The following FMN1 variants were observed in gnomAD, a reference collection of about 807,000 sequenced individuals.
FMN1 encodes the protein formin 1.
FMN1 carries 110 observed loss-of-function variants against 132.4 expected under a neutral mutation model. The ratio of observed to expected loss-of-function variants is 0.83; its 90% CI spans 0.71 to 0.97. FMN1 has a LOEUF of 0.97. Ranked by LOEUF, FMN1 falls within the 50% of genes least tolerant of loss-of-function variation. FMN1 has a pLI of 0.00. For synonymous variants in FMN1, 722 were observed against 651.7 expected (o/e 1.11, Z -1.64); for missense variants, 1,792 against 1,705.3 (o/e 1.05, Z -0.90).
At chr15:33,175,997 A>G (rs1315337216) in intron 3 of FMN1, among the ~76,000 whole-genome samples, 1 of 152,242 alleles carries the variant, frequency 6.6e-6, no homozygotes, top group Non-Finnish European at 1.5e-5. Context: ...GACGTGAGAC[A>G]TGTGAATTTT....
intron 17 of FMN1, among the ~76,000 whole-genome samples, chr15:32,843,414 G>A (rs535927907): frequency 6.6e-6 from 1 of 152,298 alleles, no homozygotes; most frequent in Non-Finnish European, 1.5e-5. Context: ...GCCAGAGGAA[G>A]CTTAAGTTAA....
chr15:33,169,740 C>CT (rs57083437), intron 3 of FMN1, among the ~76,000 whole-genome samples: 11,390 of 117,912 alleles, frequency 0.097, 858 homozygotes, highest in African/African-American at 0.21. Flanking sequence ...TTTTCTTTTC[C>CT]TTTTTTTTTT....
intron 13 of FMN1, 68 bp from the exon 14 acceptor site, chr15:32,900,193 A>G (rs762344400): frequency 3.2e-6 from 5 of 1,546,526 alleles, no homozygotes; most frequent in Admixed American, 1.7e-5. Context: ...TCAGTAACAA[A>G]TATCGACTGT....
intron 6 of FMN1, chr15:33,063,068 A>G (rs1325186174): frequency 1.3e-5 from 2 of 152,350 alleles, no homozygotes; most frequent in Non-Finnish European, 2.9e-5. Context: ...GGAGGGCTTT[A>G]GAAGTCTCTC....
chr15:33,066,947 G>A (rs766445901), intron 5 of FMN1: 2 of 1,613,864 alleles, frequency 1.2e-6, no homozygotes, highest in African/African-American at 1.3e-5. Flanking sequence ...CTTCTGCACA[G>A]GCTGCGTCAA....
intron 8 of FMN1, 125 bp downstream of exon 8, chr15:32,968,589 A>T: frequency 7.2e-7 from 1 of 1,388,890 alleles, no homozygotes; most frequent in Non-Finnish European, 9.7e-7. Context: ...TTATCCAAGC[A>T]TTCACTGTAT....
At chr15:32,921,631 C>A (rs765854808) in intron 10 of FMN1, among the ~76,000 whole-genome samples, 1 of 151,970 alleles carries the variant, frequency 6.6e-6, no homozygotes, top group Non-Finnish European at 1.5e-5. Flanking sequence ...CTTAAAACAA[C>A]CCACATTCAT....
chr15:33,024,432 G>A (rs1278004540), intron 6 of FMN1, among the ~76,000 whole-genome samples: 1 of 151,592 alleles, frequency 6.6e-6, no homozygotes, highest in Non-Finnish European at 1.5e-5. Context: ...ATTTTTAGTA[G>A]AGACGGGGTT....
At chr15:32,917,967 T>C (rs866823160) in intron 10 of FMN1, among the ~76,000 whole-genome samples, 3 of 152,234 alleles carry the variant, frequency 2.0e-5, no homozygotes, top group Non-Finnish European at 2.9e-5. Context: ...ATTTAATTCA[T>C]GCTAATACAT....
chr15:32,963,451 T>G (rs1235854186), intron 9 of FMN1, among the ~76,000 whole-genome samples: 3 of 151,902 alleles, frequency 2.0e-5, no homozygotes, highest in African/African-American at 4.8e-5. Context: ...CATATGTAAC[T>G]AACCTGCACA....
At chr15:32,865,822 G>A (rs2059377605) in intron 16 of FMN1, among the ~76,000 whole-genome samples, 1 of 140,914 alleles carries the variant, frequency 7.1e-6, no homozygotes, top group Non-Finnish European at 1.5e-5. Context: ...GGCAACAAGA[G>A]TGAAACTCCA....
chr15:32,815,331 T>C (rs942386564), intron 17 of FMN1, among the ~76,000 whole-genome samples: 1 of 152,172 alleles, frequency 6.6e-6, no homozygotes, highest in African/African-American at 2.4e-5. Context: ...GTACTAGATA[T>C]TCAGCAAATC....
chr15:32,837,872 C>G (rs117316106), intron 17 of FMN1, among the ~76,000 whole-genome samples: 4,795 of 152,260 alleles, frequency 0.031, 101 homozygotes, highest in Non-Finnish European at 0.05. Context: ...TAATTCCTTG[C>G]CCATCAACAG....
chr15:33,148,085 AAC>A (rs138960350), intron 4 of FMN1, among the ~76,000 whole-genome samples: 2,159 of 152,350 alleles, frequency 0.014, 49 homozygotes, highest in African/African-American at 0.05. Flanking sequence ...AAAGAAATAA[AAC>A]ACTGTAATAA....
intron 5 of FMN1, among the ~76,000 whole-genome samples, chr15:33,082,026 T>G (rs922920229): frequency 2.5e-4 from 32 of 128,538 alleles, no homozygotes; most frequent in African/African-American, 1.0e-3. Context: ...CAGGGGTGTG[T>G]GTGTGTGTGT....
intron 3 of FMN1, among the ~76,000 whole-genome samples, chr15:33,179,389 G>GA (rs933896852): frequency 1.6e-4 from 25 of 152,090 alleles, no homozygotes; most frequent in African/African-American, 4.3e-4. Context: ...AACATAAACT[G>GA]AAAAAAATAT....
intron 6 of FMN1, among the ~76,000 whole-genome samples, chr15:33,023,808 G>A (rs2141028135): frequency 6.6e-6 from 1 of 152,110 alleles, no homozygotes; most frequent in East Asian, 1.9e-4. Context: ...CGTGATTTGA[G>A]GTTGCATTGA....
chr15:33,096,408 G>T (rs1274351448), intron 4 of FMN1, among the ~76,000 whole-genome samples: 1 of 152,120 alleles, frequency 6.6e-6, no homozygotes, highest in African/African-American at 2.4e-5. Context: ...GAATTAAAGT[G>T]ATGAACTCTT....
intron 5 of FMN1, among the ~76,000 whole-genome samples, chr15:33,072,669 T>C (rs1391702632): frequency 1.3e-5 from 2 of 152,136 alleles, no homozygotes; most frequent in African/African-American, 4.8e-5. Context: ...ACGCCTGTAA[T>C]CCCAGCACTT....
Sources: allele counts gnomAD v4.1 joint callset (sites outside exome capture counted in the v4.1 genomes callset), GRCh38; gene constraint gnomAD v4.1.1; transcripts MANE v1.5; gene names NCBI Gene and HGNC (gene_info 2026-07-23, HGNC 2026-07-21).